Variants in SPTBN1 observed in about 807,000 individuals in gnomAD.
SPTBN1 encodes spectrin beta chain, non-erythrocytic 1.
SPTBN1 carries 32 observed loss-of-function variants against 266.4 expected under a neutral mutation model. The observed-to-expected ratio is 0.12, with a 90% CI of 0.09 to 0.16. SPTBN1 has a LOEUF of 0.16. Among genes scored for constraint, SPTBN1 ranks in the 10% least tolerant of loss-of-function variants. The pLI is 1.00. For missense variants in SPTBN1, 2,296 were observed against 3,067.1 expected (o/e 0.75, Z 5.94); for synonymous variants, 1,336 against 1,162.2 (o/e 1.15, Z -3.04).
chr2:54,658,173 G>A (rs1381174555), intron 30 of SPTBN1, 127 bp downstream of exon 30: 43 of 1,218,424 alleles, frequency 3.5e-5, no homozygotes, highest in Non-Finnish European at 4.5e-5. Context: ...AAGTAGTGAA[G>A]ATCATCTTAA....
intron 32 of SPTBN1, chr2:54,661,036 AGCGCTCGCAT>A: frequency 1.0e-6 from 1 of 985,362 alleles, no homozygotes; most frequent in Non-Finnish European, 1.2e-6. Flanking sequence ...CGTGCCTGGG[AGCGCTCGCAT>A]GCCCCCTGGC....
Position 54,476,784 on chromosome 2 carries a change from C to A in SPTBN1, c.-48+20266C>A, listed in dbSNP as rs1306236852. On this transcript the variant is annotated intron_variant, in intron 1 of 35. Coordinates refer to ENST00000356805, the MANE Select transcript of SPTBN1 (RefSeq NM_003128.3). The stretch of plus-strand genomic sequence containing the variant: ...TTTTATTGTTTGTTAAAAGAGTTGA[C>A]TATTTGAAGAGAGATTTTTTCTATT... Among the ~76,000 whole-genome samples the A allele has an allele frequency of 3.3e-5, 5 of 152,282 alleles. No homozygotes were observed. In the East Asian group the frequency reaches 9.6e-4, roughly 29 times the overall value.
chr2:54,559,383 T>C (rs1354680341), intron 2 of SPTBN1, among the ~76,000 whole-genome samples: 4 of 152,194 alleles, frequency 2.6e-5, no homozygotes, highest in Non-Finnish European at 5.9e-5. Context: ...ATTCAGAAGC[T>C]TAATTTTAAT....
chr2:54,485,857 G>C (rs1427246544), intron 1 of SPTBN1, among the ~76,000 whole-genome samples: 1 of 151,492 alleles, frequency 6.6e-6, no homozygotes, highest in Non-Finnish European at 1.5e-5. Flanking sequence ...TGTCTGGGAT[G>C]TGAGGAGCGC....
intron 2 of SPTBN1, among the ~76,000 whole-genome samples, chr2:54,592,116 G>T (rs1309568259): frequency 1.3e-5 from 2 of 152,196 alleles, no homozygotes; most frequent in South Asian, 4.1e-4. Flanking sequence ...ACAGTGAGCT[G>T]TGATCACACC....
chr2:54,577,132 C>G (rs1260586990), intron 2 of SPTBN1, among the ~76,000 whole-genome samples: 1 of 152,086 alleles, frequency 6.6e-6, no homozygotes, highest in African/African-American at 2.4e-5. Context: ...TAGCCAACAG[C>G]CAGCTAATCT....
At chr2:54,657,537 G>C (rs1264436524) in intron 29 of SPTBN1, among the ~76,000 whole-genome samples, 1 of 152,196 alleles carries the variant, frequency 6.6e-6, no homozygotes, top group Admixed American at 6.5e-5. Flanking sequence ...GAAGAAAAAA[G>C]ATTGTAACAG....
intron 1 of SPTBN1, among the ~76,000 whole-genome samples, chr2:54,472,102 AC>A (rs1366144226): frequency 7.9e-6 from 1 of 127,016 alleles, no homozygotes; most frequent in African/African-American, 3.2e-5. Context: ...ATCTTGGCTC[AC>A]TGCAAGCTCC....
At chr2:54,652,156 G>C (rs1464679648) in intron 26 of SPTBN1, among the ~76,000 whole-genome samples, 1 of 152,128 alleles carries the variant, frequency 6.6e-6, no homozygotes, top group Non-Finnish European at 1.5e-5. Context: ...CCCTATATGT[G>C]TATGCCTTTA....
intron 2 of SPTBN1, chr2:54,529,420 G>A (rs574614023): frequency 7.1e-6 from 5 of 702,144 alleles, no homozygotes; most frequent in African/African-American, 7.0e-5. Context: ...TAAAGGCCAA[G>A]AAGGTAGTGT....
chr2:54,572,571 A>T (rs984502498), intron 2 of SPTBN1, among the ~76,000 whole-genome samples: 1 of 152,252 alleles, frequency 6.6e-6, no homozygotes. Context: ...AACTGAAGAC[A>T]TATCTGAAAG....
chr2:54,655,075 T>C lies in SPTBN1; in HGVS notation c.5828T>C (p.Val1943Ala), dbSNP rs1452195388. 6.2e-7 allele frequency: 1 copy of C among 1,612,042 alleles called. No individual in the cohort carries two copies. The highest frequency in any genetic ancestry group is 8.5e-7 in the Non-Finnish European group (1 of 1,178,642). The part of the protein sequence containing the change: ...QIEAQEKPRD[V>A]SSVELLMNNH... Reference sequence around the variant, plus strand: ...CATCGTTTGTCTAATTTTAGGGATGTATCATCTGTTGAACTCTTAATGAAT... The same window carrying C: ...CATCGTTTGTCTAATTTTAGGGATGCATCATCTGTTGAACTCTTAATGAAT... The change falls in exon 28 of 36, where the codon GTA (valine) becomes GCA (alanine). Residue 1943 changes from valine (V) to alanine (A), a missense_variant. By Grantham distance (64) the Val-to-Ala change is moderately conservative. Around this residue, in one of 12 missense-constraint regions of SPTBN1, gnomAD observed 644 missense variants for 745.3 expected, o/e 0.86. Transcript: ENST00000356805.
rs1280841566 is a variant in SPTBN1, at chr2:54,626,488, T to G, written c.1644+254T>G. 2.6e-5 allele frequency among the ~76,000 whole-genome samples: 4 copies of G among 152,242 alleles called. No individual in the cohort carries two copies. The highest frequency in any genetic ancestry group is 2.6e-4 in the Admixed American group (4 of 15,288). On this transcript the variant is annotated intron_variant, in intron 12 of 35. Transcript: ENST00000356805. This position sits in a 1 kb window ranked among gnomAD's most constrained non-coding sequence, Gnocchi z 4.7. ...TCTGTGACTTAGATATATTCCAGTG[T>G]AGGGAATCAATCACATTGTGGTTTT... is the stretch of plus-strand genomic sequence containing the variant.
intron 34 of SPTBN1, among the ~76,000 whole-genome samples, chr2:54,666,625 C>T (rs1190056615): frequency 2.0e-5 from 3 of 152,122 alleles, no homozygotes; most frequent in Admixed American, 6.5e-5. Context: ...ATGTCTCTAC[C>T]CTGTAGGATA....
intron 1 of SPTBN1, 36 bp from the exon 2 acceptor site, chr2:54,526,336 C>A: frequency 1.9e-6 from 3 of 1,556,532 alleles, no homozygotes; most frequent in Non-Finnish European, 2.6e-6. Flanking sequence ...GTATACACTT[C>A]AGACGTCTAA....
rs563038561 is a variant in SPTBN1, at chr2:54,628,200, G to C, written c.1748G>C (p.Arg583Pro). The C allele has an allele frequency of 1.2e-6, 2 of 1,614,020 alleles. No homozygotes were observed. Among genetic ancestry groups the C allele is most frequent in the South Asian group, 1.1e-5 (1 of 91,070 alleles). The change falls in exon 13 of 36, where the codon CGG becomes CCG. Residue 583 changes from arginine to proline, a missense_variant. By Grantham distance (103) the Arg-to-Pro change is moderately radical (BLOSUM62 -2). Around this residue, in one of 12 missense-constraint regions of SPTBN1, gnomAD observed 434 missense variants for 573.9 expected, o/e 0.76. Transcript: ENST00000356805. This position sits in a 1 kb window ranked among gnomAD's most constrained non-coding sequence, Gnocchi z 4.3. ...GCAGACATTGGCATCCAGGCAGAGC[G>C]GGTGAGAGGTGTCAATGCCTCCGCC... ...VEADIGIQAE[R>P]VRGVNASAQK...
At chr2:54,648,844 A>G in intron 24 of SPTBN1, 142 bp from the exon 25 acceptor site, 2 of 795,494 alleles carry the variant, frequency 2.5e-6, no homozygotes, top group South Asian at 2.1e-5. Context: ...TTTATTTTTC[A>G]TGCTAAGTGG....
At chr2:54,502,977 T>A (rs1393214415) in intron 1 of SPTBN1, among the ~76,000 whole-genome samples, 22 of 152,204 alleles carry the variant, frequency 1.4e-4, no homozygotes, top group Admixed American at 1.4e-3. Context: ...ATGTTCCCTC[T>A]GTGGTCATGA....
chr2:54,512,894 A>G (rs941859084), intron 1 of SPTBN1, among the ~76,000 whole-genome samples: 1 of 152,176 alleles, frequency 6.6e-6, no homozygotes, highest in Non-Finnish European at 1.5e-5. Context: ...CTGGTTACTA[A>G]TGGTTTAAAG....
Sources: gnomAD v4.1 joint callset for allele counts (sites outside exome capture counted in the v4.1 genomes callset) on GRCh38, gnomAD v4.1.1 for gene constraint, gnomAD v4.1.1 regional missense constraint, Gnocchi (gnomAD v3.1) non-coding constraint, MANE v1.5 for transcripts, NCBI Gene and HGNC (gene_info 2026-07-23, HGNC 2026-07-21) for gene names.